The following MGST1 variants were observed in gnomAD, a reference collection of about 807,000 sequenced individuals.
MGST1 encodes glutathione S-transferase 12.
In MGST1, 5 loss-of-function variants were observed where a neutral mutation model predicts 8.9. The ratio of observed to expected loss-of-function variants is 0.56; its 90% CI spans 0.29 to 1.19. The LOEUF (loss-of-function observed/expected upper bound fraction) is 1.19, where lower values mean the gene tolerates loss of function less well. MGST1 is among the 50% of genes most tolerant of loss of function. The pLI is 0.08. For missense variants in MGST1, 182 were observed against 187.4 expected, an observed-to-expected ratio of 0.97 and a Z score of 0.17; for synonymous variants, 54 against 67.8, an observed-to-expected ratio of 0.80 and a Z score of 1.00.
Position 16,354,566 on chromosome 12 carries a change from A to G in MGST1, c.126+188A>G, listed in dbSNP as rs551642761. 269 of 442,936 alleles carry G rather than the reference A, an allele frequency of 6.1e-4. 2 individuals carry two copies. The highest frequency in any genetic ancestry group is 4.8e-4 in the Non-Finnish European group (123 of 257,094). 27.4% of individuals were successfully genotyped at this position (442,936 alleles called of 1,614,324 possible). ...TATGGAACAGTTGCTTTCTCCTAGA[A>G]ACTAGTAAATGGTTTTTTCATTATG... On this transcript the variant is annotated intron_variant, in intron 2 of 3. Transcript: ENST00000396210.
At chr12:16,390,395 G>A (rs900196490) in intron 1 of MGST1, among the ~76,000 whole-genome samples, 5 of 152,126 alleles carry the variant, frequency 3.3e-5, no homozygotes, top group Admixed American at 2.6e-4. Context: ...TTGTCACCCA[G>A]GCACTAAGCC....
Position 16,436,716 on chromosome 12 carries a change from G to A in MGST1, n.779-672G>A, listed in dbSNP as rs200506889. 2.0e-5 allele frequency among the ~76,000 whole-genome samples: 3 copies of A among 151,856 alleles called. No homozygotes were observed. In the East Asian group the frequency reaches 5.9e-4, roughly 30 times the overall value. The stretch of plus-strand genomic sequence containing the variant: ...TCACAAGAGCCTTATTGAAATAATC[G>A]CTATCATGATGCCAATAGTGTACAG... On this transcript the variant is annotated intron_variant and non_coding_transcript_variant, in intron 1 of 1. Coordinates refer to the MGST1 transcript ENST00000359720.
chr12:16,443,740 AT>A (rs1487332860), downstream of MGST1, among the ~76,000 whole-genome samples: 25 of 151,862 alleles, frequency 1.6e-4, no homozygotes, highest in Admixed American at 1.5e-3. Flanking sequence ...ACAGTCTCAT[AT>A]GTATCCATAT....
At chr12:16,460,680 T>C (rs1941212119) in intron 4 of MGST1, among the ~76,000 whole-genome samples, 1 of 151,794 alleles carries the variant, frequency 6.6e-6, no homozygotes, top group African/African-American at 2.4e-5. Flanking sequence ...TAACTCATTC[T>C]CTACGCTCCA....
Position 16,408,030 on chromosome 12 carries a change from C to CAAAAAAAAAAAA in MGST1, n.778+24443_778+24454dup, listed in dbSNP as rs200073692. ...CTGGCAACAGAGCAAGACTCTGTCT[C>CAAAAAAAAAAAA]AAAAAAAAAAAAAAAAAAAAAAAAA... On this transcript the variant is annotated intron_variant and non_coding_transcript_variant, in intron 1 of 1. Coordinates refer to the MGST1 transcript ENST00000359720. Among the ~76,000 whole-genome samples the CAAAAAAAAAAAA allele has an allele frequency of 3.8e-3, 166 of 44,072 alleles. 10 individuals are homozygous for CAAAAAAAAAAAA. The highest frequency in any genetic ancestry group is 0.013 in the East Asian group (27 of 2,072). The allele number at this position is 44,072 out of a possible 152,430, so 28.9% of individuals were successfully genotyped here. A position where few individuals can be genotyped will look rare whatever the true frequency, so the allele number is the denominator to read the frequency against.
rs568891858 is a variant in MGST1, at chr12:16,405,820, C to T, written n.778+22216C>T. 5.2e-4 allele frequency among the ~76,000 whole-genome samples: 79 copies of T among 152,200 alleles called. 1 individual carries two copies. In the South Asian group the frequency reaches 0.016, roughly 32 times the overall value. ...AAACTAAAGACAAAAACAGTAAGAT[C>T]GTCTAAATAGACATAGAAAAGGCTT... On this transcript the variant is annotated intron_variant and non_coding_transcript_variant, in intron 1 of 1. Transcript: ENST00000359720.
chr12:16,414,176 G>A (rs1446755255), intron 1 of MGST1, among the ~76,000 whole-genome samples: 1 of 151,654 alleles, frequency 6.6e-6, no homozygotes, highest in Non-Finnish European at 1.5e-5. Context: ...TATTCCTGTG[G>A]AATATCAATT....
Position 16,586,484 on chromosome 12 carries a change from C to A in MGST1, n.483-3044C>A, listed in dbSNP as rs529742660. ...GGACAATGTGTCTGGACAAATCTCACGCTAAGCATTATCTTCTACGTCCAC... is the reference window on the plus strand; with the variant it reads ...GGACAATGTGTCTGGACAAATCTCAAGCTAAGCATTATCTTCTACGTCCAC... On this transcript the variant is annotated intron_variant and non_coding_transcript_variant, in intron 4 of 4. Transcript: ENST00000538857. This position sits in a 1 kb window ranked among gnomAD's most constrained non-coding sequence, Gnocchi z 4.3. Among the ~76,000 whole-genome samples, 1 of 152,160 alleles carries A rather than the reference C, an allele frequency of 6.6e-6. No homozygotes were observed. The highest frequency in any genetic ancestry group is 2.4e-5 in the African/African-American group (1 of 41,456).
intron 1 of MGST1, among the ~76,000 whole-genome samples, chr12:16,387,320 A>G (rs889475348): frequency 3.3e-5 from 5 of 152,142 alleles, no homozygotes; most frequent in African/African-American, 1.2e-4. Flanking sequence ...TAGTGATGTC[A>G]TAGCTGTCCT....
At chr12:16,464,012 T>C (rs998103477) in intron 4 of MGST1, among the ~76,000 whole-genome samples, 1 of 152,224 alleles carries the variant, frequency 6.6e-6, no homozygotes, top group Non-Finnish European at 1.5e-5. Flanking sequence ...TTGGACTCAG[T>C]AGGCTGGGTT....
intron 1 of MGST1, among the ~76,000 whole-genome samples, chr12:16,427,841 CATACTT>C (rs1940903526): frequency 6.6e-6 from 1 of 151,926 alleles, no homozygotes. Context: ...TTCAGGGAGT[CATACTT>C]ATATTGGATC....
At chr12:16,394,562 CTTTCTTTCTTTCT>C (rs1565446453) in intron 1 of MGST1, among the ~76,000 whole-genome samples, 816 of 64,352 alleles carry the variant, frequency 0.013, 19 homozygotes, top group East Asian at 0.069. Flanking sequence ...TTCTTTCTTT[CTTTCTTTCTTTCT>C]TCTCTCTGTC....
chr12:16,373,337 G>A (rs751325457), intron 3 of MGST1, among the ~76,000 whole-genome samples: 1 of 151,662 alleles, frequency 6.6e-6, no homozygotes, highest in Admixed American at 6.6e-5. Context: ...CTAGTGTTTG[G>A]CAGCACAATA....
intron 4 of MGST1, among the ~76,000 whole-genome samples, chr12:16,499,109 C>T (rs1172363890): frequency 6.6e-6 from 1 of 151,898 alleles, no homozygotes; most frequent in African/African-American, 2.4e-5. Flanking sequence ...TTTATGGGAC[C>T]CTCCAGTTTT....
chr12:16,530,319 T>A (rs1263545743), intron 4 of MGST1, among the ~76,000 whole-genome samples: 8 of 152,142 alleles, frequency 5.3e-5, no homozygotes, highest in South Asian at 2.1e-4. Context: ...TTTGTTTTTT[T>A]AAAATGTCAA....
intron 4 of MGST1, among the ~76,000 whole-genome samples, chr12:16,515,507 G>A (rs1049422738): frequency 3.9e-5 from 6 of 152,010 alleles, no homozygotes; most frequent in Non-Finnish European, 7.4e-5. Context: ...GCGGGAGCCT[G>A]TAATCCCAGC....
At chr12:16,357,115 A>C (rs1939750658) in intron 2 of MGST1, among the ~76,000 whole-genome samples, 2 of 152,308 alleles carry the variant, frequency 1.3e-5, no homozygotes, top group Non-Finnish European at 2.9e-5. Context: ...ATTGTTAATA[A>C]AAATTCAGTT....
intron 4 of MGST1, among the ~76,000 whole-genome samples, chr12:16,454,902 A>T (rs185028): frequency 7.9e-5 from 10 of 125,974 alleles, no homozygotes; most frequent in East Asian, 7.1e-4. Context: ...AAAAAAAAAA[A>T]AAGGAGATGG....
intron 4 of MGST1, among the ~76,000 whole-genome samples, chr12:16,484,245 A>G (rs930931352): frequency 6.6e-6 from 1 of 152,202 alleles, no homozygotes; most frequent in African/African-American, 2.4e-5. Context: ...GAATTGTAGC[A>G]GAAATAACAT....
Sources: gnomAD v4.1 joint callset for allele counts (sites outside exome capture counted in the v4.1 genomes callset) on GRCh38, gnomAD v4.1.1 for gene constraint, Gnocchi (gnomAD v3.1) non-coding constraint, MANE v1.5 for transcripts, NCBI Gene and HGNC (gene_info 2026-07-23, HGNC 2026-07-21) for gene names.